Variants in PLD5 observed in about 807,000 individuals in gnomAD.
PLD5 encodes phospholipase D family member 5.
A neutral mutation model predicts 61.1 loss-of-function variants in PLD5; 36 were observed. That is an observed-to-expected ratio of 0.59 (90% CI 0.45 to 0.78). The LOEUF (loss-of-function observed/expected upper bound fraction) is 0.78, where lower values mean the gene tolerates loss of function less well. Ranked by LOEUF, PLD5 falls within the 30% of genes least tolerant of loss-of-function variation. The probability of loss-of-function intolerance (pLI) is 0.00; values close to 1 mark genes in which losing one functional copy is unlikely to be tolerated. For missense variants in PLD5, 515 were observed against 644.4 expected (o/e 0.80, Z 2.17); for synonymous variants, 243 against 242.8 (o/e 1.00, Z -0.01).
intron 1 of PLD5, among the ~76,000 whole-genome samples, chr1:242,412,124 C>G (rs1595695): frequency 0.44 from 66,746 of 151,952 alleles, 16,130 homozygotes; most frequent in African/African-American, 0.65. Context: ...TCTTTATTCT[C>G]TACTTGGGAA....
At chr1:242,354,723 G>T (rs1571960587) in intron 1 of PLD5, among the ~76,000 whole-genome samples, 1 of 151,842 alleles carries the variant, frequency 6.6e-6, no homozygotes, top group Admixed American at 6.6e-5. Flanking sequence ...TAGATGAAAG[G>T]GCTCTAATTT....
intron 1 of PLD5, among the ~76,000 whole-genome samples, chr1:242,388,308 T>A (rs1037734379): frequency 3.9e-5 from 6 of 152,170 alleles, no homozygotes; most frequent in Non-Finnish European, 5.9e-5. Context: ...GATGAGCACC[T>A]ATGTGAAATG....
rs113585435 is a variant in PLD5 at position 242,493,159 on chromosome 1, A to G, written c.189+30929T>C. On this transcript the variant is annotated intron_variant, in intron 1 of 9. Coordinates refer to ENST00000536534, the MANE Select transcript of PLD5 (RefSeq NM_001372062.1). ...AACCATAAAAGTTGGCAATTTTCAT[A>G]TATTCTATTCAGAATGTCTTACTTG... Among the ~76,000 whole-genome samples, 1,012 of 152,318 alleles carry G rather than the reference A, an allele frequency of 6.6e-3. 10 individuals carry two copies. Among genetic ancestry groups the G allele is most frequent in the African/African-American group, 0.023 (969 of 41,560 alleles).
At chr1:242,143,019 C>CTT (rs981632467) in intron 5 of PLD5, among the ~76,000 whole-genome samples, 4 of 143,294 alleles carry the variant, frequency 2.8e-5, no homozygotes, top group East Asian at 2.1e-4. Flanking sequence ...TGCCTGGCCT[C>CTT]TTTTTTTTTT....
intron 2 of PLD5, among the ~76,000 whole-genome samples, chr1:242,330,410 TA>T (rs1659097468): frequency 2.6e-5 from 4 of 152,188 alleles, no homozygotes. Flanking sequence ...CTGTGGCCCT[TA>T]CTTGGAAGCC....
chr1:242,428,077 A>AT (rs986178228), intron 1 of PLD5, among the ~76,000 whole-genome samples: 9 of 152,144 alleles, frequency 5.9e-5, no homozygotes, highest in Admixed American at 5.2e-4. Context: ...CTCCTGTGTT[A>AT]TTTTTTCTAT....
chr1:242,248,004 G>A (rs536827177), intron 4 of PLD5, among the ~76,000 whole-genome samples: 11 of 152,276 alleles, frequency 7.2e-5, no homozygotes, highest in South Asian at 6.2e-4. Context: ...AAATCACACC[G>A]TGACTCGTAG....
At chr1:242,167,646 T>TAAGTC (rs1666426675) in intron 5 of PLD5, among the ~76,000 whole-genome samples, 1 of 152,220 alleles carries the variant, frequency 6.6e-6, no homozygotes, top group African/African-American at 2.4e-5. Context: ...ATGATATTGT[T>TAAGTC]AAGTCCTCAC....
At chr1:242,328,443 ATGTGTTGTACATG>A (rs1658956498) in intron 2 of PLD5, among the ~76,000 whole-genome samples, 3 of 151,906 alleles carry the variant, frequency 2.0e-5, no homozygotes, top group Admixed American at 6.6e-5. Context: ...TTCTACATAC[ATGTGTTGTACATG>A]TGTGTTCTAC....
chr1:242,180,857 T>C (rs751270227), intron 5 of PLD5, among the ~76,000 whole-genome samples: 4 of 151,978 alleles, frequency 2.6e-5, no homozygotes, highest in Admixed American at 2.0e-4. Flanking sequence ...ATGGTACATA[T>C]CTATGTTCCC....
At chr1:242,297,414 T>A (rs1476839214) in intron 2 of PLD5, among the ~76,000 whole-genome samples, 1 of 150,094 alleles carries the variant, frequency 6.7e-6, no homozygotes, top group African/African-American at 2.5e-5. Context: ...TTTTTTTTTT[T>A]TTTTTTTTTT....
At chr1:242,223,713 T>A (rs148653633) in intron 4 of PLD5, among the ~76,000 whole-genome samples, 15 of 152,304 alleles carry the variant, frequency 9.8e-5, no homozygotes, top group African/African-American at 2.2e-4. Flanking sequence ...TCTGAAAAAA[T>A]ATATATTTTT....
intron 5 of PLD5, among the ~76,000 whole-genome samples, chr1:242,125,521 T>C (rs749132323): frequency 2.0e-5 from 3 of 152,208 alleles, no homozygotes; most frequent in Non-Finnish European, 2.9e-5. Context: ...CTGGCTTCAG[T>C]TGAGTCCAGT....
At chr1:242,141,919 T>A (rs758705976) in intron 5 of PLD5, among the ~76,000 whole-genome samples, 1 of 152,254 alleles carries the variant, frequency 6.6e-6, no homozygotes, top group Admixed American at 6.5e-5. Context: ...ACTTCCAGAT[T>A]TGATCTTTCT....
rs2148668674 is a variant in PLD5, at chr1:242,100,923, T to C, written c.1240-141A>G. On this transcript the variant is annotated intron_variant, in intron 8 of 9. Transcript: ENST00000536534. ...AAAGCCATAATCTTATTACCTCATA[T>C]AGATGAAGCTATTTTTGTTCTCAAA... 4.9e-6 allele frequency: 3 copies of C among 609,576 alleles called. 1 individual carries two copies. Among genetic ancestry groups the C allele is most frequent in the South Asian group, 4.2e-5 (2 of 47,722 alleles). The allele number at this position is 609,576 out of a possible 1,614,324, so 37.8% of individuals were successfully genotyped here.
rs978744251 is a variant in PLD5, at chr1:242,348,978, T to C, written c.190-736A>G. Among the ~76,000 whole-genome samples the C allele has an allele frequency of 1.4e-4, 22 of 152,246 alleles. No individual in the cohort carries two copies. In the East Asian group the frequency reaches 2.1e-3, roughly 15 times the overall value. ...CTGAGGCAGGAGAATGGCTTGAACC[T>C]GGGAGGCGGAGCTTGCAGTGAGCCA... On this transcript the variant is annotated intron_variant, in intron 1 of 9. Transcript: ENST00000536534.
At chr1:242,460,139 T>C (rs1182109298) in intron 1 of PLD5, among the ~76,000 whole-genome samples, 4 of 152,308 alleles carry the variant, frequency 2.6e-5, no homozygotes, top group Admixed American at 6.5e-5. Context: ...AATTCTTATC[T>C]CTGTATACTG....
intron 1 of PLD5, among the ~76,000 whole-genome samples, chr1:242,358,315 C>A (rs1660871642): frequency 1.3e-5 from 2 of 151,978 alleles, no homozygotes; most frequent in Admixed American, 6.6e-5. Context: ...TCTGTGTAAT[C>A]TTTGTGTTCC....
chr1:242,483,208 A>T (rs1025291410), intron 1 of PLD5, among the ~76,000 whole-genome samples: 1 of 152,180 alleles, frequency 6.6e-6, no homozygotes, highest in Non-Finnish European at 1.5e-5. Flanking sequence ...ACACATAACA[A>T]TATTAACCTT....
Sources: gnomAD v4.1 joint callset for allele counts (sites outside exome capture counted in the v4.1 genomes callset) on GRCh38, gnomAD v4.1.1 for gene constraint, MANE v1.5 for transcripts, NCBI Gene and HGNC (gene_info 2026-07-23, HGNC 2026-07-21) for gene names.